SYN3: variants seen among roughly 807,000 people sequenced by gnomAD.
SYN3 encodes synapsin III, also known as synapsin-3.
Under a neutral mutation model 65.8 loss-of-function variants are expected in SYN3, and 35 were observed. That is an observed-to-expected ratio of 0.53 (90% confidence interval 0.41 to 0.70). The LOEUF (loss-of-function observed/expected upper bound fraction) is 0.70. SYN3 is among the 30% of genes least tolerant of loss of function. SYN3 has a pLI of 0.00. For synonymous variants in SYN3, 270 were observed against 292.9 expected (o/e 0.92, Z 0.80); for missense variants, 680 against 749.0 (o/e 0.91, Z 1.08).
chr22:32,622,725 CA>C lies in SYN3; in HGVS notation c.712-25990del, dbSNP rs777908921. ...GCTGTGGATCTCCAGAAATCGGATG[CA>C]AAAAAAAAAAAAAAAAAAAGTTTCT... is the stretch of plus-strand genomic sequence containing the variant. On this transcript the variant is annotated intron_variant, in intron 6 of 13. Transcript: ENST00000358763. 7.4e-3 allele frequency among the ~76,000 whole-genome samples: 575 copies of C among 78,172 alleles called. 2 individuals are homozygous for C. Among genetic ancestry groups the C allele is most frequent in the Middle Eastern group, 0.021 (3 of 146 alleles). The allele number at this position is 78,172 out of a possible 152,430, so 51.3% of individuals were successfully genotyped here.
intron 6 of SYN3, among the ~76,000 whole-genome samples, chr22:32,749,422 G>A (rs1008529859): frequency 2.0e-5 from 3 of 151,588 alleles, no homozygotes; most frequent in Admixed American, 1.3e-4. Flanking sequence ...CGGGTGAATC[G>A]TGAGGTCAGG....
chr22:33,028,443 C>T (rs1041619485), intron 1 of SYN3, among the ~76,000 whole-genome samples: 4 of 152,176 alleles, frequency 2.6e-5, no homozygotes, highest in Admixed American at 1.3e-4. Flanking sequence ...TGCAGCTGCC[C>T]GCACAGCCAG....
Position 32,560,249 on chromosome 22 carries a change from C to T in SYN3, c.775-18536G>A, listed in dbSNP as rs2058567963. Among the ~76,000 whole-genome samples the T allele has an allele frequency of 2.6e-5, 4 of 152,248 alleles. No individual in the cohort carries two copies. In the South Asian group the frequency reaches 8.3e-4, roughly 31 times the overall value. On this transcript the variant is annotated intron_variant, in intron 7 of 13. Coordinates refer to ENST00000358763, the MANE Select transcript of SYN3 (RefSeq NM_003490.4). ...ACTTCGTTTCATTCCTGCTCTAAAG[C>T]TTTTAAATACAGTTTCACTCCTGCT...
chr22:32,710,817 A>C (rs901889593), intron 6 of SYN3, among the ~76,000 whole-genome samples: 2 of 152,192 alleles, frequency 1.3e-5, no homozygotes, highest in Admixed American at 1.3e-4. Context: ...TACTGCCTGC[A>C]GAACCATGAG....
intron 6 of SYN3, among the ~76,000 whole-genome samples, chr22:32,807,969 G>A (rs1340068190): frequency 6.6e-6 from 1 of 152,162 alleles, no homozygotes; most frequent in Admixed American, 6.5e-5. Flanking sequence ...TTGACTTACT[G>A]AGTGTTTTTT....
intron 1 of SYN3, among the ~76,000 whole-genome samples, chr22:33,047,863 C>CAAAAAAA: frequency 1.9e-5 from 1 of 53,552 alleles, no homozygotes. Flanking sequence ...TTTTCATGTG[C>CAAAAAAA]AAAAAAAAAA....
At chr22:32,949,849 G>A (rs1393086983) in intron 3 of SYN3, among the ~76,000 whole-genome samples, 1 of 152,188 alleles carries the variant, frequency 6.6e-6, no homozygotes, top group Admixed American at 6.5e-5. Flanking sequence ...CATGGACGTG[G>A]ATGACTGACT....
chr22:33,044,824 AACC>A (rs2145948439), intron 1 of SYN3, among the ~76,000 whole-genome samples: 1 of 150,092 alleles, frequency 6.7e-6, no homozygotes, highest in Admixed American at 6.7e-5. Context: ...CATTTTTAAC[AACC>A]TTCCCAGATG....
At chr22:32,891,209 C>G (rs565005129) in intron 4 of SYN3, among the ~76,000 whole-genome samples, 1 of 152,150 alleles carries the variant, frequency 6.6e-6, no homozygotes, top group Non-Finnish European at 1.5e-5. Flanking sequence ...TGAATTGACA[C>G]GTTGGCCATC....
At chr22:32,945,554 A>G (rs1449884167) in intron 3 of SYN3, among the ~76,000 whole-genome samples, 1 of 152,252 alleles carries the variant, frequency 6.6e-6, no homozygotes, top group African/African-American at 2.4e-5. Flanking sequence ...GATGGATTAA[A>G]GACTTAAATG....
At chr22:32,754,031 C>T (rs1220924886) in intron 6 of SYN3, among the ~76,000 whole-genome samples, 1 of 152,242 alleles carries the variant, frequency 6.6e-6, no homozygotes, top group Non-Finnish European at 1.5e-5. Context: ...TTCTCATAAC[C>T]ACTCGAAGTC....
intron 6 of SYN3, among the ~76,000 whole-genome samples, chr22:32,639,800 G>A (rs919676509): frequency 3.9e-5 from 6 of 152,162 alleles, no homozygotes; most frequent in African/African-American, 1.2e-4. Flanking sequence ...TCCCACCTTG[G>A]CCTCCCAAAG....
chr22:32,745,399 G>T (rs934481406), intron 6 of SYN3, among the ~76,000 whole-genome samples: 1 of 152,244 alleles, frequency 6.6e-6, no homozygotes, highest in Non-Finnish European at 1.5e-5. Flanking sequence ...ATGTTCGGGG[G>T]TGGAGGGGGT....
chr22:32,581,296 G>T (rs1048002702), intron 7 of SYN3, among the ~76,000 whole-genome samples: 5 of 152,154 alleles, frequency 3.3e-5, no homozygotes, highest in Admixed American at 3.3e-4. Context: ...TTTTAGCAGA[G>T]ACGGGTTTCG....
intron 6 of SYN3, chr22:32,849,352 A>G: frequency 1.0e-6 from 1 of 998,854 alleles, no homozygotes; most frequent in Non-Finnish European, 1.6e-6. Flanking sequence ...TAAGAGTGCA[A>G]TTCCAGGCTC....
Position 32,511,622 on chromosome 22 carries a change from G to A in SYN3, c.*2070C>T, listed in dbSNP as rs1030848638. ...AGTAAGGGTGGTGGGCTTTTTGGGC[G>A]CTAGAAAGAGTACCAGGCCTTCACC... On this transcript the variant is annotated 3_prime_UTR_variant, in exon 14 of 14. Coordinates refer to ENST00000358763, the MANE Select transcript of SYN3 (RefSeq NM_003490.4). Among the ~76,000 whole-genome samples, 4 of 152,198 alleles carry A rather than the reference G, an allele frequency of 2.6e-5. No homozygotes were observed. The highest frequency in any genetic ancestry group is 2.1e-4 in the South Asian group (1 of 4,828).
chr22:32,992,382 T>C (rs1463889104), intron 2 of SYN3, among the ~76,000 whole-genome samples: 1 of 152,224 alleles, frequency 6.6e-6, no homozygotes, highest in Non-Finnish European at 1.5e-5. Context: ...GCCAATTAGA[T>C]GAATTTTCTG....
intron 6 of SYN3, among the ~76,000 whole-genome samples, chr22:32,615,185 T>C (rs563997674): frequency 6.6e-6 from 1 of 152,128 alleles, no homozygotes; most frequent in Non-Finnish European, 1.5e-5. Context: ...AATCCCAGAC[T>C]TTGGGATCCA....
intron 6 of SYN3, among the ~76,000 whole-genome samples, chr22:32,825,504 CA>C (rs1361054639): frequency 6.6e-6 from 1 of 151,218 alleles, no homozygotes; most frequent in Non-Finnish European, 1.5e-5. Flanking sequence ...ACTAAAAATA[CA>C]AAAATTAGCT....
Sources: gnomAD v4.1 joint callset for allele counts (sites outside exome capture counted in the v4.1 genomes callset) on GRCh38, gnomAD v4.1.1 for gene constraint, MANE v1.5 for transcripts, NCBI Gene and HGNC (gene_info 2026-07-23, HGNC 2026-07-21) for gene names.